C1QTNF4: variants seen among roughly 807,000 people sequenced by gnomAD.
C1QTNF4 encodes complement C1q tumor necrosis factor-related protein 4.
In C1QTNF4, 12 loss-of-function variants were observed where a neutral mutation model predicts 14.6. The observed-to-expected ratio is 0.82, with a 90% confidence interval of 0.53 to 1.33. The LOEUF (loss-of-function observed/expected upper bound fraction) is 1.33, where lower values mean the gene tolerates loss of function less well. Among genes scored for constraint, C1QTNF4 ranks in the 40% most tolerant of loss-of-function variants. The pLI is 0.00. For missense variants in C1QTNF4, 558 were observed against 500.3 expected (o/e 1.12, Z -1.10); for synonymous variants, 278 against 246.6 (o/e 1.13, Z -1.19).
Position 47,589,946 on chromosome 11 carries a change from G to C in C1QTNF4, c.865C>G (p.His289Asp), listed in dbSNP as rs763965679. 4 of 1,610,070 alleles carry C rather than the reference G, an allele frequency of 2.5e-6. No individual in the cohort carries two copies. The highest frequency in any genetic ancestry group is 3.4e-6 in the Non-Finnish European group (4 of 1,178,056). ...TAGGCGCCGTAGCCGTCGTGGTCGT[G>C]GCTGAGCAGCCAGACGGCGTCGCCG... The part of the protein sequence containing the change: ...RRGDAVWLLS[H>D]DHDGYGAYSN... Residue 289 changes from histidine to aspartate, a missense_variant, in exon 2 of 2, where the codon CAC (histidine) becomes GAC (aspartate). Transcript: ENST00000302514.
At position 47,589,671 on chromosome 11, in the gene C1QTNF4, C is replaced by A. The variant is rs952551049; in HGVS notation, c.*150G>T. On this transcript the variant is annotated 3_prime_UTR_variant, in exon 2 of 2. Transcript: ENST00000302514. Reference sequence around the variant, plus strand: ...AGTCAAGACAGCGCAGGGGCCTGGGCTGCCGGGCGCTGCGCGTGCCCGCTT... The same window carrying A: ...AGTCAAGACAGCGCAGGGGCCTGGGATGCCGGGCGCTGCGCGTGCCCGCTT... 2.3e-4 allele frequency: 165 copies of A among 727,226 alleles called. 2 individuals carry two copies. In the East Asian group the frequency reaches 5.5e-3, roughly 24 times the overall value. The allele number at this position is 727,226 out of a possible 1,614,324, so 45.0% of individuals were successfully genotyped here. A position where few individuals can be genotyped will look rare whatever the true frequency, so the allele number is the denominator to read the frequency against.
upstream of C1QTNF4, among the ~76,000 whole-genome samples, chr11:47,595,280 G>T (rs939106974): frequency 7.2e-5 from 11 of 152,216 alleles, no homozygotes; most frequent in African/African-American, 2.7e-4. Context: ...TGACGACACT[G>T]CCTGGCACTC....
In C1QTNF4 at chr11:47,591,848, C is replaced by T. The variant is rs763061539; in HGVS notation, c.-5-1033G>A. Among the ~76,000 whole-genome samples the T allele has an allele frequency of 1.9e-4, 29 of 152,348 alleles. No homozygotes were observed. In the Middle Eastern group the frequency reaches 0.014, roughly 71 times the overall value. On this transcript the variant is annotated intron_variant, in intron 1 of 1. Coordinates refer to ENST00000302514, the MANE Select transcript of C1QTNF4 (RefSeq NM_031909.3). ...TTCAGGGGAGTCTCTGAGTTCCCCT[C>T]AGCTCCAGTTGGCTGCATTTTCCTG...
Position 47,590,277 on chromosome 11 carries a change from G to A in C1QTNF4, c.534C>T (p.Ala178=), listed in dbSNP as rs1034403981. The A allele has an allele frequency of 2.2e-4, 264 of 1,225,424 alleles. No individual in the cohort carries two copies. Among genetic ancestry groups the A allele is most frequent in the Non-Finnish European group, 2.6e-4 (250 of 979,500 alleles). 75.9% of individuals were successfully genotyped at this position (1,225,424 alleles called of 1,614,324 possible). The change falls in exon 2 of 2, where the codon GCC becomes GCT. Residue 178 remains alanine (A), a synonymous_variant. Transcript: ENST00000302514. The part of the protein sequence containing the change: ...GPPAPPEPRS[A]FSAARTRSLV... ...AGCTGCGCGTGCGCGCCGCCGAGAA[G>A]GCCGAGCGCGGCTCGGGGGGCGCGG...
chr11:47,590,616 G>T lies in C1QTNF4; in HGVS notation c.195C>A (p.Thr65=), dbSNP rs775181056. ...CGGGCACGCGGCAGCGAAACTGGCC[G>T]GTGGCCACATCGAAGTCGCCCCCGA... ...VNIGGDFDVA[T]GQFRCRVPGA... is the part of the protein sequence containing the mutation. The change falls in exon 2 of 2, where the codon ACC becomes ACA. Residue 65 remains threonine, a synonymous_variant. Transcript: ENST00000302514. The T allele has an allele frequency of 6.2e-7, 1 of 1,609,734 alleles. No individual in the cohort carries two copies. Among genetic ancestry groups the T allele is most frequent in the Non-Finnish European group, 8.5e-7 (1 of 1,178,742 alleles).
chr11:47,590,034 G>T lies in C1QTNF4; in HGVS notation c.777C>A (p.Tyr259Ter). 1 of 1,612,330 alleles carries T rather than the reference G, an allele frequency of 6.2e-7. No homozygotes were observed. Among genetic ancestry groups the T allele is most frequent in the Admixed American group, 1.7e-5 (1 of 59,926 alleles). Residue 259 changes from tyrosine (Y) to a stop codon, truncating the protein, a stop_gained, in exon 2 of 2, where the codon TAC becomes TAA. Coordinates refer to ENST00000302514, the MANE Select transcript of C1QTNF4 (RefSeq NM_031909.3). LOFTEE classifies it high-confidence loss of function. ...CGCGGCGCCGCGACGCGCCGTCGTCGTAAATCATGGCCTGCACCTCGTCGC... is the reference window on the plus strand; with the variant it reads ...CGCGGCGCCGCGACGCGCCGTCGTCTTAAATCATGGCCTGCACCTCGTCGC... ...KNRDEVQAMI[Y>*]DDGASRRREM...
intron 1 of C1QTNF4, 40 bp from the exon 2 acceptor site, chr11:47,590,855 G>C: frequency 7.0e-7 from 1 of 1,437,954 alleles, no homozygotes; most frequent in Non-Finnish European, 9.1e-7. Flanking sequence ...AGTGTTGGCA[G>C]GGGCGGCTTC....
chr11:47,594,312 A>T lies in C1QTNF4; in HGVS notation c.-170T>A, dbSNP rs2097277013. On this transcript the variant is annotated 5_prime_UTR_variant, in exon 1 of 2. Transcript: ENST00000302514. ...GCTCCGGCTGCTTTTCCCGGCTCTGAGGCGGCAGCGGACAGGGTGCTGGGG... is the reference window on the plus strand; with the variant it reads ...GCTCCGGCTGCTTTTCCCGGCTCTGTGGCGGCAGCGGACAGGGTGCTGGGG... The T allele has an allele frequency of 6.6e-6, 1 of 151,746 alleles. No individual in the cohort carries two copies. Among genetic ancestry groups the T allele is most frequent in the Admixed American group, 6.6e-5 (1 of 15,266 alleles). 9.4% of individuals were successfully genotyped at this position (151,746 alleles called of 1,614,324 possible).
Position 47,590,590 on chromosome 11 carries a change from C to T in C1QTNF4, c.221G>A (p.Gly74Asp). 6.2e-7 allele frequency: 1 copy of T among 1,606,178 alleles called. No homozygotes were observed. The highest frequency in any genetic ancestry group is 1.3e-5 in the African/African-American group (1 of 74,838). ...ATGQFRCRVP[G>D]AYFFSFTAGK... ...AGCCGTGAAGGAGAAGAAGTAGGCGCCGGGCACGCGGCAGCGAAACTGGCC... is the reference window on the plus strand; with the variant it reads ...AGCCGTGAAGGAGAAGAAGTAGGCGTCGGGCACGCGGCAGCGAAACTGGCC... Residue 74 changes from glycine to aspartate, a missense_variant, in exon 2 of 2, where the codon GGC becomes GAC. Gly to Asp is a moderately conservative substitution (Grantham distance 94). Coordinates refer to ENST00000302514, the MANE Select transcript of C1QTNF4 (RefSeq NM_031909.3).
At position 47,590,050 on chromosome 11, in the gene C1QTNF4, A is replaced by G; in HGVS notation, c.761T>C (p.Val254Ala). The stretch of plus-strand genomic sequence containing the variant: ...GCCGTCGTCGTAAATCATGGCCTGC[A>G]CCTCGTCGCGGTTCTTCATCAGCTT... ...SVKLMKNRDE[V>A]QAMIYDDGAS... Residue 254 changes from valine (V) to alanine (A), a missense_variant, in exon 2 of 2, where the codon GTG becomes GCG. Transcript: ENST00000302514. 1.2e-6 allele frequency: 2 copies of G among 1,612,654 alleles called. No individual in the cohort carries two copies. Among genetic ancestry groups the G allele is most frequent in the South Asian group, 1.1e-5 (1 of 91,072 alleles).
At chr11:47,592,415 A>G (rs993336312) in intron 1 of C1QTNF4, among the ~76,000 whole-genome samples, 2 of 152,186 alleles carry the variant, frequency 1.3e-5, no homozygotes, top group East Asian at 3.8e-4. Context: ...ATAGGTGTGA[A>G]CATGGTTTGT....
Position 47,590,759 on chromosome 11 carries a change from CCAGGGCCCAGCAGG to C in C1QTNF4, c.38_51del (p.Ala13GlyfsTer10). 1 of 1,584,100 alleles carries C rather than the reference CCAGGGCCCAGCAGG, an allele frequency of 6.3e-7. No individual in the cohort carries two copies. The highest frequency in any genetic ancestry group is 8.6e-7 in the Non-Finnish European group (1 of 1,166,882). ...GAGGATCCCGGGCCGGGGGTCGGGC[CCAGGGCCCAGCAGG>C]CCGCTGGGCCCAGCAGGCCCAGCAG... On this transcript the variant is annotated frameshift_variant, in exon 2 of 2. Coordinates refer to ENST00000302514, the MANE Select transcript of C1QTNF4 (RefSeq NM_031909.3). LOFTEE classifies it high-confidence loss of function.
chr11:47,594,938 C>T (rs1424523498), upstream of C1QTNF4, among the ~76,000 whole-genome samples: 2 of 152,080 alleles, frequency 1.3e-5, no homozygotes, highest in African/African-American at 2.4e-5. Context: ...GGGCAGCCTG[C>T]GTTCCCCGGG....
Position 47,590,410 on chromosome 11 carries a change from A to T in C1QTNF4, c.401T>A (p.Leu134Gln). The T allele has an allele frequency of 6.7e-7, 1 of 1,493,402 alleles. No homozygotes were observed. Among genetic ancestry groups the T allele is most frequent in the Non-Finnish European group, 8.9e-7 (1 of 1,128,220 alleles). The allele number at this position is 1,493,402 out of a possible 1,614,324, so 92.5% of individuals were successfully genotyped here. A position where few individuals can be genotyped will look rare whatever the true frequency, so the allele number is the denominator to read the frequency against. The change falls in exon 2 of 2, where the codon CTG becomes CAG. Residue 134 changes from leucine (L) to glutamine (Q), a missense_variant. By Grantham distance (113) the Leu-to-Gln change is moderately radical. Coordinates refer to ENST00000302514, the MANE Select transcript of C1QTNF4 (RefSeq NM_031909.3). Reference protein sequence around the residue: ...LQLDYGDTVWLRLHGAPQYAL... With the variant: ...LQLDYGDTVWQRLHGAPQYAL... The stretch of plus-strand genomic sequence containing the variant: ...GTACTGCGGGGCGCCATGCAGCCGC[A>T]GCCACACTGTGTCGCCGTAGTCGAG...
Position 47,590,216 on chromosome 11 carries a change from G to A in C1QTNF4, c.595C>T (p.Gln199Ter), listed in dbSNP as rs1401210721. The change falls in exon 2 of 2, where the codon CAA becomes TAA. Residue 199 changes from glutamine to a stop codon, truncating the protein, a stop_gained. Coordinates refer to ENST00000302514, the MANE Select transcript of C1QTNF4 (RefSeq NM_031909.3). LOFTEE classifies it high-confidence loss of function. Reference sequence around the variant, plus strand: ...AACTCGGTGTCGAAGGCGAGTGGTTGGTGCCGCGGCCCGGGGCCAGCGTCC... The same window carrying A: ...AACTCGGTGTCGAAGGCGAGTGGTTAGTGCCGCGGCCCGGGGCCAGCGTCC... ...GSDAGPGPRH[Q>*]PLAFDTEFVN... The A allele has an allele frequency of 1.3e-6, 2 of 1,557,364 alleles. No homozygotes were observed. The highest frequency in any genetic ancestry group is 2.3e-5 in the East Asian group (1 of 43,158).
In C1QTNF4 at chr11:47,590,826, G is replaced by A. The variant is rs1207703390; in HGVS notation, c.-5-11C>T. The A allele has an allele frequency of 6.8e-7, 1 of 1,470,122 alleles. No individual in the cohort carries two copies. The highest frequency in any genetic ancestry group is 8.9e-7 in the Non-Finnish European group (1 of 1,118,350). 91.1% of individuals were successfully genotyped at this position (1,470,122 alleles called of 1,614,324 possible). On this transcript the variant is annotated splice_polypyrimidine_tract_variant and intron_variant, in intron 1 of 1. Transcript: ENST00000302514. ...GCGGCAGCATGGCGCCTGGGAGGGA[G>A]ACGGAGGGGCGAGAGTGGAGTGTTG...
intron 1 of C1QTNF4, 91 bp from the exon 2 acceptor site, chr11:47,590,906 C>T: frequency 1.4e-5 from 20 of 1,424,898 alleles, no homozygotes; most frequent in Non-Finnish European, 1.8e-5. Flanking sequence ...GGTTCTCTTC[C>T]CAGCCCTGCC....
rs1395888725 is a variant in C1QTNF4, at chr11:47,590,297, G to A, written c.514C>T (p.Pro172Ser). ...GAGAAGGCCGAGCGCGGCTCGGGGG[G>A]CGCGGGCGGCCCGCGCGCAGGCGCG... The part of the protein sequence containing the change: ...ADAPARGPPA[P>S]PEPRSAFSAA... Residue 172 changes from proline (P) to serine (S), a missense_variant, in exon 2 of 2, where the codon CCC becomes TCC. By Grantham distance (74) the Pro-to-Ser change is moderately conservative. Coordinates refer to ENST00000302514, the MANE Select transcript of C1QTNF4 (RefSeq NM_031909.3). 5.3e-5 allele frequency: 62 copies of A among 1,160,198 alleles called. No homozygotes were observed. Among genetic ancestry groups the A allele is most frequent in the Admixed American group, 1.0e-4 (2 of 19,996 alleles). The allele number at this position is 1,160,198 out of a possible 1,614,324, so 71.9% of individuals were successfully genotyped here.
rs1211540835 is a variant in C1QTNF4, at chr11:47,590,706, T to G, written c.105A>C (p.Ala35=). 1.9e-6 allele frequency: 3 copies of G among 1,608,294 alleles called. No homozygotes were observed. The highest frequency in any genetic ancestry group is 2.7e-5 in the African/African-American group (2 of 73,926). ...ACGTGCCCTCCAGGGGGGTGGTGCG[T>G]GCCGCCGAGAAGGCCGAGCGCAGCT... ...SSELRSAFSA[A]RTTPLEGTSE... The change falls in exon 2 of 2, where the codon GCA becomes GCC. Residue 35 remains alanine (A), a synonymous_variant. Coordinates refer to ENST00000302514, the MANE Select transcript of C1QTNF4 (RefSeq NM_031909.3).
Sources: allele counts gnomAD v4.1 joint callset (sites outside exome capture counted in the v4.1 genomes callset), GRCh38; gene constraint gnomAD v4.1.1; transcripts MANE v1.5; gene names NCBI Gene and HGNC (gene_info 2026-07-23, HGNC 2026-07-21).